The following COLEC12 variants were observed in gnomAD, a reference collection of about 807,000 sequenced individuals.
The protein encoded by COLEC12 is collectin-12.
Under a neutral mutation model 71.1 loss-of-function variants are expected in COLEC12, and 33 were observed. The observed-to-expected ratio is 0.46, with a 90% CI of 0.35 to 0.62. The LOEUF (loss-of-function observed/expected upper bound fraction) is 0.62, where lower values mean the gene tolerates loss of function less well. Among genes scored for constraint, COLEC12 ranks in the 20% least tolerant of loss-of-function variants. The pLI is 0.00. For synonymous variants in COLEC12, 350 were observed against 353.0 expected (o/e 0.99, Z 0.10); for missense variants, 765 against 916.1 (o/e 0.84, Z 2.13).
intron 2 of COLEC12, among the ~76,000 whole-genome samples, chr18:364,190 A>T (rs549072409): frequency 6.6e-6 from 1 of 152,264 alleles, no homozygotes; most frequent in Non-Finnish European, 1.5e-5. Context: ...TTTTTTTAAG[A>T]TTATGCATTA....
intron 1 of COLEC12, among the ~76,000 whole-genome samples, chr18:484,377 C>G (rs1369192977): frequency 6.6e-6 from 1 of 152,170 alleles, no homozygotes; most frequent in Non-Finnish European, 1.5e-5. Flanking sequence ...GGTGGGTTCC[C>G]TGCTTCTCAT....
At chr18:404,532 G>T (rs1319619839) in intron 2 of COLEC12, among the ~76,000 whole-genome samples, 1 of 152,206 alleles carries the variant, frequency 6.6e-6, no homozygotes, top group Non-Finnish European at 1.5e-5. Context: ...GGGACGAAGG[G>T]TGGTGTTGTG....
chr18:425,130 G>A (rs1374064594), intron 2 of COLEC12, among the ~76,000 whole-genome samples: 1 of 152,182 alleles, frequency 6.6e-6, no homozygotes, highest in Non-Finnish European at 1.5e-5. Context: ...AAAATCTCCA[G>A]AGAAGAACTT....
intron 2 of COLEC12, among the ~76,000 whole-genome samples, chr18:406,520 A>AAAAAAAAAAAAAAAAAC (rs1915792524): frequency 1.2e-5 from 1 of 81,220 alleles, no homozygotes; most frequent in African/African-American, 4.4e-5. Context: ...CGTCTCAAAA[A>AAAAAAAAAAAAAAAAAC]AAAAAAAAAA....
At chr18:374,067 T>C (rs889644452) in intron 2 of COLEC12, among the ~76,000 whole-genome samples, 1 of 152,152 alleles carries the variant, frequency 6.6e-6, no homozygotes, top group African/African-American at 2.4e-5. Flanking sequence ...CTGTAAACCA[T>C]TGCTAGAATT....
chr18:444,524 A>G (rs1462769267), intron 2 of COLEC12, among the ~76,000 whole-genome samples: 3 of 152,230 alleles, frequency 2.0e-5, no homozygotes, highest in Non-Finnish European at 4.4e-5. Flanking sequence ...AAATATAAGA[A>G]GCAGTTTTCA....
intron 8 of COLEC12, among the ~76,000 whole-genome samples, chr18:323,212 C>T (rs1253464666): frequency 1.3e-5 from 2 of 151,908 alleles, no homozygotes; most frequent in Non-Finnish European, 2.9e-5. Flanking sequence ...GGTGACAGAG[C>T]GAGGCTCCAT....
At chr18:322,237 C>T (rs1451483942) in intron 8 of COLEC12, among the ~76,000 whole-genome samples, 1 of 151,852 alleles carries the variant, frequency 6.6e-6, no homozygotes, top group Non-Finnish European at 1.5e-5. Context: ...CTTGTGAGAA[C>T]CCAGAGGGAC....
chr18:392,822 T>A (rs1230596004), intron 2 of COLEC12, among the ~76,000 whole-genome samples: 1 of 152,244 alleles, frequency 6.6e-6, no homozygotes, highest in Non-Finnish European at 1.5e-5. Context: ...TGGACTGCAC[T>A]TAGTCCAGAA....
intron 3 of COLEC12, among the ~76,000 whole-genome samples, chr18:354,085 G>C (rs1914578257): frequency 3.3e-5 from 5 of 152,214 alleles, no homozygotes; most frequent in Admixed American, 6.5e-5. Flanking sequence ...TTGCCTGTTG[G>C]AAAGGATAAT....
At chr18:331,312 A>T (rs1215191807) in intron 8 of COLEC12, among the ~76,000 whole-genome samples, 2 of 152,250 alleles carry the variant, frequency 1.3e-5, no homozygotes, top group Non-Finnish European at 2.9e-5. Flanking sequence ...CCTGGGGCGA[A>T]CGCTGAACAT....
At position 331,791 on chromosome 18, in the gene COLEC12, C is replaced by T. The variant is rs1226852979; in HGVS notation, c.1954-14G>A. 3.3e-6 allele frequency: 5 copies of T among 1,517,954 alleles called. No homozygotes were observed. Among genetic ancestry groups the T allele is most frequent in the Non-Finnish European group, 4.6e-6 (5 of 1,092,122 alleles). The allele number at this position is 1,517,954 out of a possible 1,614,324, so 94.0% of individuals were successfully genotyped here. A position where few individuals can be genotyped will look rare whatever the true frequency, so the allele number is the denominator to read the frequency against. ...TTTTATCCATTGCTGAAAAACAAAG[C>T]AGGGGTGGTGCGTGACTATTTTTCA... On this transcript the variant is annotated splice_polypyrimidine_tract_variant and intron_variant, in intron 7 of 9. Coordinates refer to ENST00000400256, the MANE Select transcript of COLEC12 (RefSeq NM_130386.3).
chr18:422,909 T>C (rs796699595), intron 2 of COLEC12, among the ~76,000 whole-genome samples: 5 of 152,360 alleles, frequency 3.3e-5, no homozygotes, highest in South Asian at 4.1e-4. Flanking sequence ...AAGACACAAC[T>C]GGACCCACAG....
At chr18:339,016 G>C (rs1333083567) in intron 5 of COLEC12, among the ~76,000 whole-genome samples, 1 of 129,540 alleles carries the variant, frequency 7.7e-6, no homozygotes, top group Admixed American at 8.6e-5. Context: ...CTGATAATTT[G>C]TGTTTCTCCA....
chr18:392,425 C>T lies in COLEC12; in HGVS notation c.59-34903G>A, dbSNP rs112945247. Among the ~76,000 whole-genome samples, 492 of 152,296 alleles carry T rather than the reference C, an allele frequency of 3.2e-3. 3 individuals are homozygous for T. The highest frequency in any genetic ancestry group is 5.8e-3 in the South Asian group (28 of 4,824). ...CTATAATGTGATAATCACACGACTCCTGTACAAGGTTTTTATGCAATTTAA... is the reference window on the plus strand; with the variant it reads ...CTATAATGTGATAATCACACGACTCTTGTACAAGGTTTTTATGCAATTTAA... On this transcript the variant is annotated intron_variant, in intron 2 of 9. Transcript: ENST00000400256.
chr18:395,351 G>A (rs1915547718), intron 2 of COLEC12, among the ~76,000 whole-genome samples: 1 of 152,182 alleles, frequency 6.6e-6, no homozygotes, highest in Non-Finnish European at 1.5e-5. Flanking sequence ...TTGGTGCCTT[G>A]TAGTTTTAAT....
At chr18:379,132 T>A (rs971410473) in intron 2 of COLEC12, among the ~76,000 whole-genome samples, 4 of 151,726 alleles carry the variant, frequency 2.6e-5, no homozygotes, top group Non-Finnish European at 5.9e-5. Context: ...TTTGTTTTTT[T>A]TTTTCTTTGA....
intron 3 of COLEC12, among the ~76,000 whole-genome samples, 163 bp from the exon 4 acceptor site, chr18:348,326 A>G (rs917197503): frequency 6.6e-6 from 1 of 152,264 alleles, no homozygotes; most frequent in African/African-American, 2.4e-5. Context: ...TTTTGGAAAA[A>G]TAACTTACTT....
rs758335969 is a variant in COLEC12 at position 334,716 on chromosome 18, T to C, written c.1816+26A>G. 6.1e-5 allele frequency: 89 copies of C among 1,454,598 alleles called. 2 individuals carry two copies. In the East Asian group the frequency reaches 2.4e-3, roughly 39 times the overall value. The allele number at this position is 1,454,598 out of a possible 1,614,324, so 90.1% of individuals were successfully genotyped here. A position where few individuals can be genotyped will look rare whatever the true frequency, so the allele number is the denominator to read the frequency against. On this transcript the variant is annotated intron_variant, in intron 6 of 9. Coordinates refer to ENST00000400256, the MANE Select transcript of COLEC12 (RefSeq NM_130386.3). ...AAGCACATGCACTGCCCTGTCCCCC[T>C]GGCTGGAGGGAGGGCTTGGACTTAC...
Sources: allele counts gnomAD v4.1 joint callset (sites outside exome capture counted in the v4.1 genomes callset), GRCh38; gene constraint gnomAD v4.1.1; transcripts MANE v1.5; gene names NCBI Gene and HGNC (gene_info 2026-07-23, HGNC 2026-07-21).